Variants in EXTL3 observed in about 807,000 individuals in gnomAD.
EXTL3 encodes the protein exostosin-like 3.
EXTL3 carries 27 observed loss-of-function variants against 69.3 expected under a neutral mutation model. The observed-to-expected ratio is 0.39, with a 90% CI of 0.29 to 0.54. The LOEUF is 0.54. EXTL3 is among the 20% of genes least tolerant of loss of function. The pLI, the probability that EXTL3 is intolerant of heterozygous loss-of-function variation, is 0.69. For missense variants in EXTL3, 1,003 were observed against 1,231.8 expected (o/e 0.81, Z 2.78); for synonymous variants, 511 against 499.4 (o/e 1.02, Z -0.31).
At chr8:28,736,195 A>G (rs536804182) in intron 4 of EXTL3, among the ~76,000 whole-genome samples, 1 of 152,332 alleles carries the variant, frequency 6.6e-6, no homozygotes, top group South Asian at 2.1e-4. Flanking sequence ...AGTTGTCTAA[A>G]AAAACCCACC....
intron 1 of EXTL3, among the ~76,000 whole-genome samples, chr8:28,709,814 G>A (rs1044547106): frequency 6.6e-6 from 1 of 152,132 alleles, no homozygotes; most frequent in South Asian, 2.1e-4. Context: ...GAGAGGAGGA[G>A]GGCCCTGGTA....
intron 1 of EXTL3, among the ~76,000 whole-genome samples, chr8:28,655,061 G>A (rs531315402): frequency 6.6e-6 from 1 of 152,298 alleles, no homozygotes; most frequent in Admixed American, 6.5e-5. Flanking sequence ...TGTAAGGTTA[G>A]CATGAGGCCT....
Position 28,717,716 on chromosome 8 carries a change from A to T in EXTL3, c.1657A>T (p.Ile553Phe), listed in dbSNP as rs1198887846. 9 of 1,614,084 alleles carry T rather than the reference A, an allele frequency of 5.6e-6. No individual in the cohort carries two copies. The highest frequency in any genetic ancestry group is 7.6e-6 in the Non-Finnish European group (9 of 1,180,036). Residue 553 changes from isoleucine to phenylalanine, a missense_variant, in exon 3 of 7, where the codon ATC becomes TTC. Ile to Phe is a conservative substitution (Grantham distance 21). This residue lies in a region of EXTL3 where 742 missense variants were observed against 815.4 expected (regional missense o/e 0.91). Coordinates refer to ENST00000220562, the MANE Select transcript of EXTL3 (RefSeq NM_001440.4). This position sits in a 1 kb window ranked among gnomAD's most constrained non-coding sequence, Gnocchi z 8.3. ...CATCCGGGAAGAGGCGGCAGCTGAGATCCCCCACCGTTCAGGCAAGGCGGC... is the reference window on the plus strand; with the variant it reads ...CATCCGGGAAGAGGCGGCAGCTGAGTTCCCCCACCGTTCAGGCAAGGCGGC... Reference protein sequence around the residue: ...APIREEAAAEIPHRSGKAAGT... With the variant: ...APIREEAAAEFPHRSGKAAGT...
intron 1 of EXTL3, among the ~76,000 whole-genome samples, chr8:28,670,063 G>A (rs956092704): frequency 3.9e-5 from 6 of 152,054 alleles, no homozygotes; most frequent in African/African-American, 1.2e-4. Flanking sequence ...ACAAAAACTA[G>A]CTGGGCATGA....
intron 1 of EXTL3, among the ~76,000 whole-genome samples, chr8:28,653,439 C>A (rs1383611583): frequency 1.3e-5 from 2 of 152,122 alleles, no homozygotes; most frequent in Non-Finnish European, 2.9e-5. Context: ...ACTTAAGAAA[C>A]CACTGCCTAA....
rs1585292367 is a variant in EXTL3, at chr8:28,737,772, T to C, written c.2421+109T>C. 2.4e-6 allele frequency: 3 copies of C among 1,256,136 alleles called. No individual in the cohort carries two copies. In the East Asian group the frequency reaches 6.9e-5, roughly 29 times the overall value. 77.8% of individuals were successfully genotyped at this position (1,256,136 alleles called of 1,614,324 possible). A position where few individuals can be genotyped will look rare whatever the true frequency, so the allele number is the denominator to read the frequency against. Reference sequence around the variant, plus strand: ...TCTCCTAACGCTTCTTACATGTTTCTTTTGTGCTAGAAGTCAGTTTTTTCT... The same window carrying C: ...TCTCCTAACGCTTCTTACATGTTTCCTTTGTGCTAGAAGTCAGTTTTTTCT... On this transcript the variant is annotated intron_variant, in intron 5 of 6. Coordinates refer to ENST00000220562, the MANE Select transcript of EXTL3 (RefSeq NM_001440.4).
In EXTL3 at chr8:28,750,912, T is replaced by C; in HGVS notation, c.*46T>C. 1 of 1,565,274 alleles carries C rather than the reference T, an allele frequency of 6.4e-7. No homozygotes were observed. Among genetic ancestry groups the C allele is most frequent in the Non-Finnish European group, 8.8e-7 (1 of 1,138,504 alleles). Reference sequence around the variant, plus strand: ...AAGAGGATGAGCAGAGGGAGGAAGATGGCTCCCAAGGTTCCTAGGCATTGC... The same window carrying C: ...AAGAGGATGAGCAGAGGGAGGAAGACGGCTCCCAAGGTTCCTAGGCATTGC... On this transcript the variant is annotated 3_prime_UTR_variant, in exon 7 of 7. Transcript: ENST00000220562. This position sits in a 1 kb window ranked among gnomAD's most constrained non-coding sequence, Gnocchi z 5.2.
Position 28,715,932 on chromosome 8 carries a change from C to A in EXTL3, c.-128C>A. On this transcript the variant is annotated 5_prime_UTR_variant, in exon 3 of 7. Coordinates refer to ENST00000220562, the MANE Select transcript of EXTL3 (RefSeq NM_001440.4). ...AATGAAATGTTCATTTTATTTGGTG[C>A]CTTGTCTGGGGAGCACACTAACTCT... 1.4e-6 allele frequency: 1 copy of A among 711,660 alleles called. No individual in the cohort carries two copies. The highest frequency in any genetic ancestry group is 1.8e-5 in the South Asian group (1 of 55,450). 44.1% of individuals were successfully genotyped at this position (711,660 alleles called of 1,614,324 possible).
chr8:28,622,435 G>A (rs1040798495), upstream of EXTL3, among the ~76,000 whole-genome samples: 1 of 152,208 alleles, frequency 6.6e-6, no homozygotes, highest in Admixed American at 6.5e-5. Context: ...GTCCCACAAT[G>A]CACCGGGCTC....
rs1585271917 is a variant in EXTL3 at position 28,715,931 on chromosome 8, G to A, written c.-129G>A. On this transcript the variant is annotated 5_prime_UTR_variant, in exon 3 of 7. Transcript: ENST00000220562. The stretch of plus-strand genomic sequence containing the variant: ...AAATGAAATGTTCATTTTATTTGGT[G>A]CCTTGTCTGGGGAGCACACTAACTC... 7.1e-6 allele frequency: 5 copies of A among 705,564 alleles called. No individual in the cohort carries two copies. The Admixed American group carries it at 8.0e-5, about 11-fold the overall frequency. 43.7% of individuals were successfully genotyped at this position (705,564 alleles called of 1,614,324 possible).
chr8:28,613,855 T>A (rs1806299669), intron 2 of EXTL3, among the ~76,000 whole-genome samples: 1 of 151,972 alleles, frequency 6.6e-6, no homozygotes, highest in Non-Finnish European at 1.5e-5. Context: ...GTATTTTTTT[T>A]TTTTAGAGAC....
intron 3 of EXTL3, among the ~76,000 whole-genome samples, chr8:28,726,962 T>C (rs1273230111): frequency 7.2e-6 from 1 of 138,436 alleles, no homozygotes; most frequent in Non-Finnish European, 1.5e-5. Flanking sequence ...CACTGTAACC[T>C]CCACTTCCTG....
At position 28,670,613 on chromosome 8, in the gene EXTL3, C is replaced by T. The variant is rs117056702; in HGVS notation, c.-52-42844C>T. Among the ~76,000 whole-genome samples, 1,247 of 152,308 alleles carry T rather than the reference C, an allele frequency of 8.2e-3. 10 individuals carry two copies. The highest frequency in any genetic ancestry group is 0.014 in the Non-Finnish European group (925 of 68,036). On this transcript the variant is annotated intron_variant, in intron 1 of 6. Transcript: ENST00000523149. ...CGATGTCTCAGTTCAAGTCTAAAGG[C>T]AGGAAACAGCTGATGTCAACTGTGA...
intron 1 of EXTL3, among the ~76,000 whole-genome samples, chr8:28,629,049 T>C (rs1381192631): frequency 2.6e-5 from 4 of 152,198 alleles, no homozygotes; most frequent in African/African-American, 9.6e-5. Flanking sequence ...CTTCCTCTTT[T>C]TACAGATGAG....
chr8:28,747,744 T>C (rs78738652), intron 6 of EXTL3, among the ~76,000 whole-genome samples: 2 of 148,798 alleles, frequency 1.3e-5, no homozygotes, highest in Admixed American at 1.3e-4. Flanking sequence ...TTTTTTTTTT[T>C]TTGAGATGGA....
intron 4 of EXTL3, among the ~76,000 whole-genome samples, chr8:28,732,032 G>C (rs1268890017): frequency 6.6e-6 from 1 of 152,166 alleles, no homozygotes; most frequent in East Asian, 1.9e-4. Flanking sequence ...AGTAAATTGA[G>C]ATAGAAGAGA....
At chr8:28,659,431 G>A (rs961565672) in intron 1 of EXTL3, among the ~76,000 whole-genome samples, 7 of 152,172 alleles carry the variant, frequency 4.6e-5, no homozygotes, top group Non-Finnish European at 8.8e-5. Context: ...AAACTTGAAT[G>A]ACAAGAGGAT....
chr8:28,693,508 T>C (rs1800644255), intron 1 of EXTL3, among the ~76,000 whole-genome samples: 2 of 152,172 alleles, frequency 1.3e-5, no homozygotes, highest in Admixed American at 6.5e-5. Flanking sequence ...AATGTTTATT[T>C]TTTTTTTTAT....
chr8:28,749,442 A>G lies in EXTL3; in HGVS notation c.2551-1215A>G, dbSNP rs1024666791. Among the ~76,000 whole-genome samples, 64 of 152,208 alleles carry G rather than the reference A, an allele frequency of 4.2e-4. 1 individual carries two copies. Among genetic ancestry groups the G allele is most frequent in the Non-Finnish European group, 1.2e-4 (8 of 68,040 alleles). ...AGAAAAGGAAGTAGAAGATAAATTT[A>G]AAGACACTTCTTCCCCATCTTTCTT... On this transcript the variant is annotated intron_variant, in intron 6 of 6. Transcript: ENST00000220562.
Sources: gnomAD v4.1 joint callset for allele counts (sites outside exome capture counted in the v4.1 genomes callset) on GRCh38, gnomAD v4.1.1 for gene constraint, gnomAD v4.1.1 regional missense constraint, Gnocchi (gnomAD v3.1) non-coding constraint, MANE v1.5 for transcripts, NCBI Gene and HGNC (gene_info 2026-07-23, HGNC 2026-07-21) for gene names.